MCU: variants seen among roughly 807,000 people sequenced by gnomAD.
The protein encoded by MCU is calcium uniporter protein, mitochondrial.
MCU carries 12 observed loss-of-function variants against 45.2 expected under a neutral mutation model. That is an observed-to-expected ratio of 0.27 (90% CI 0.17 to 0.43). MCU has a LOEUF of 0.43. Among genes scored for constraint, MCU ranks in the 20% least tolerant of loss-of-function variants. The pLI is 1.00. For synonymous variants in MCU, 160 were observed against 165.1 expected (o/e 0.97, Z 0.24); for missense variants, 324 against 436.7 (o/e 0.74, Z 2.30).
At chr10:72,692,576 T>A (rs1336099422) in intron 1 of MCU, 1 of 1,099,492 alleles carries the variant, frequency 9.1e-7, no homozygotes, top group Middle Eastern at 4.0e-4. Context: ...GGCACGGGAC[T>A]TGAACCTCTC....
At chr10:72,872,276 C>T (rs930328617) in intron 6 of MCU, among the ~76,000 whole-genome samples, 2 of 151,864 alleles carry the variant, frequency 1.3e-5, no homozygotes, top group African/African-American at 4.8e-5. Flanking sequence ...TGGGGACATT[C>T]CAAATCCTTT....
chr10:72,719,325 A>G (rs1335384593), intron 1 of MCU, among the ~76,000 whole-genome samples: 1 of 152,212 alleles, frequency 6.6e-6, no homozygotes, highest in South Asian at 2.1e-4. Context: ...TTGTATTATA[A>G]GAAGAATAAA....
intron 1 of MCU, among the ~76,000 whole-genome samples, chr10:72,706,542 CTTT>C (rs1251706679): frequency 3.5e-5 from 5 of 143,332 alleles, no homozygotes; most frequent in Non-Finnish European, 3.1e-5. Context: ...AGTATCTTCT[CTTT>C]TTTTTTTTTT....
intron 1 of MCU, among the ~76,000 whole-genome samples, chr10:72,736,127 A>G (rs901084503): frequency 2.0e-5 from 3 of 152,230 alleles, no homozygotes; most frequent in Non-Finnish European, 2.9e-5. Flanking sequence ...ACTATAAACA[A>G]TTTAAGTGTT....
At chr10:72,752,542 G>T (rs1843517622) in intron 1 of MCU, among the ~76,000 whole-genome samples, 1 of 152,154 alleles carries the variant, frequency 6.6e-6, no homozygotes. Context: ...CTAGCTTTTT[G>T]GTGGCAGTAA....
Position 72,702,619 on chromosome 10 carries a change from C to T in MCU, c.150+10318C>T, listed in dbSNP as rs555718973. Among the ~76,000 whole-genome samples, 6 of 152,216 alleles carry T rather than the reference C, an allele frequency of 3.9e-5. No homozygotes were observed. In the South Asian group the frequency reaches 8.3e-4, roughly 21 times the overall value. On this transcript the variant is annotated intron_variant, in intron 1 of 7. Transcript: ENST00000373053. ...TCTTTTTTTTCTAAAGAATGTTCAGCGGGAGCACTTGGGACCTACCTGTGA... is the reference window on the plus strand; with the variant it reads ...TCTTTTTTTTCTAAAGAATGTTCAGTGGGAGCACTTGGGACCTACCTGTGA...
At chr10:72,813,132 G>C (rs989090102) in intron 1 of MCU, among the ~76,000 whole-genome samples, 1 of 152,180 alleles carries the variant, frequency 6.6e-6, no homozygotes, top group Non-Finnish European at 1.5e-5. Flanking sequence ...CGTTCAAACA[G>C]ATTCCCCATA....
chr10:72,748,746 T>C (rs185382015), intron 1 of MCU, among the ~76,000 whole-genome samples: 1 of 152,274 alleles, frequency 6.6e-6, no homozygotes, highest in East Asian at 1.9e-4. Context: ...AGATAAACTC[T>C]AAGGGAAGGA....
intron 1 of MCU, among the ~76,000 whole-genome samples, chr10:72,781,643 T>C (rs781188202): frequency 6.6e-6 from 1 of 152,208 alleles, no homozygotes; most frequent in Non-Finnish European, 1.5e-5. Flanking sequence ...TGAGAATCAG[T>C]TGAGGCTTAA....
intron 2 of MCU, among the ~76,000 whole-genome samples, chr10:72,848,043 T>C (rs1421816307): frequency 2.0e-5 from 3 of 152,186 alleles, no homozygotes; most frequent in African/African-American, 4.8e-5. Flanking sequence ...CTGTATCATA[T>C]TGGTTCTGCA....
intron 1 of MCU, among the ~76,000 whole-genome samples, chr10:72,728,466 C>T (rs1015217637): frequency 6.6e-6 from 1 of 152,150 alleles, no homozygotes; most frequent in Non-Finnish European, 1.5e-5. Context: ...GAAGATTTCT[C>T]TAAGTTCATG....
At chr10:72,726,829 T>C (rs948659217) in intron 1 of MCU, among the ~76,000 whole-genome samples, 1 of 152,186 alleles carries the variant, frequency 6.6e-6, no homozygotes, top group African/African-American at 2.4e-5. Context: ...ATATATAGTC[T>C]TCTTATAGTT....
chr10:72,725,932 T>C (rs1843092638), intron 1 of MCU, among the ~76,000 whole-genome samples: 1 of 152,188 alleles, frequency 6.6e-6, no homozygotes, highest in African/African-American at 2.4e-5. Flanking sequence ...CTGCCTTTCA[T>C]ATAACTAAAA....
chr10:72,841,910 A>G (rs922995139), intron 2 of MCU, among the ~76,000 whole-genome samples: 5 of 152,236 alleles, frequency 3.3e-5, no homozygotes, highest in Non-Finnish European at 7.3e-5. Context: ...GAAAAGAAAG[A>G]TTAGTACAGG....
chr10:72,804,790 TCTTA>T (rs1346205357), intron 1 of MCU, among the ~76,000 whole-genome samples: 1 of 152,208 alleles, frequency 6.6e-6, no homozygotes, highest in Non-Finnish European at 1.5e-5. Flanking sequence ...ATAAATTTCT[TCTTA>T]CTTATTGGTT....
Position 72,880,478 on chromosome 10 carries a change from CGG to C in MCU, c.862-3779_862-3778del, listed in dbSNP as rs11286927. On this transcript the variant is annotated intron_variant, in intron 6 of 7. Coordinates refer to ENST00000373053, the MANE Select transcript of MCU (RefSeq NM_138357.3). ...CATAGACCACACGTAGAAGGCAAAG[CGG>C]GGGGGGGGAAACCCTAGAAATATAT... 6.7e-3 allele frequency among the ~76,000 whole-genome samples: 935 copies of C among 139,112 alleles called. 15 individuals are homozygous for C. Among genetic ancestry groups the C allele is most frequent in the African/African-American group, 0.022 (879 of 40,716 alleles). The allele number at this position is 139,112 out of a possible 152,430, so 91.3% of individuals were successfully genotyped here. A position where few individuals can be genotyped will look rare whatever the true frequency, so the allele number is the denominator to read the frequency against.
chr10:72,883,249 C>T (rs1845732825), intron 6 of MCU, among the ~76,000 whole-genome samples: 1 of 152,128 alleles, frequency 6.6e-6, no homozygotes, highest in Admixed American at 6.5e-5. Flanking sequence ...TTGACTGTCA[C>T]AAGGTATGGA....
intron 1 of MCU, among the ~76,000 whole-genome samples, chr10:72,764,818 G>A (rs1472941046): frequency 6.6e-6 from 1 of 152,026 alleles, no homozygotes; most frequent in Non-Finnish European, 1.5e-5. Context: ...ATTTATCAGG[G>A]AATGGTCTGA....
intron 1 of MCU, among the ~76,000 whole-genome samples, chr10:72,831,872 C>G (rs1250066757): frequency 6.6e-6 from 1 of 151,970 alleles, no homozygotes; most frequent in African/African-American, 2.4e-5. Context: ...AGGGGTAAAG[C>G]ACAGTAATGT....
Sources: gnomAD v4.1 joint callset for allele counts (sites outside exome capture counted in the v4.1 genomes callset) on GRCh38, gnomAD v4.1.1 for gene constraint, MANE v1.5 for transcripts, NCBI Gene and HGNC (gene_info 2026-07-23, HGNC 2026-07-21) for gene names.